The following CCDC148 variants were observed in gnomAD, a reference collection of about 807,000 sequenced individuals.
CCDC148 encodes the protein coiled-coil domain-containing protein 148.
CCDC148 carries 89 observed loss-of-function variants against 85.7 expected under a neutral mutation model. That is an observed-to-expected ratio of 1.04 (90% CI 0.87 to 1.24). The LOEUF (loss-of-function observed/expected upper bound fraction) is 1.24. Ranked by LOEUF, CCDC148 falls within the 50% of genes most tolerant of loss-of-function variation. The pLI, the probability that CCDC148 is intolerant of heterozygous loss-of-function variation, is 0.00. For synonymous variants in CCDC148, 230 were observed against 213.9 expected, an observed-to-expected ratio of 1.08 and a Z score of -0.66; for missense variants, 692 against 671.7, an observed-to-expected ratio of 1.03 and a Z score of -0.33.
chr2:158,271,815 T>C (rs978749902), intron 9 of CCDC148, among the ~76,000 whole-genome samples: 1 of 152,180 alleles, frequency 6.6e-6, no homozygotes, highest in Non-Finnish European at 1.5e-5. Flanking sequence ...GGAAATCAGA[T>C]ATGTGACTAC....
chr2:158,281,268 A>T (rs915024633), intron 9 of CCDC148, among the ~76,000 whole-genome samples: 2 of 152,144 alleles, frequency 1.3e-5, no homozygotes, highest in Admixed American at 1.3e-4. Flanking sequence ...GGCAAGAAAT[A>T]ACGAAAATCA....
intron 11 of CCDC148, among the ~76,000 whole-genome samples, chr2:158,207,985 A>ACT (rs1686341968): frequency 6.7e-6 from 1 of 149,694 alleles, no homozygotes; most frequent in Non-Finnish European, 1.5e-5. Context: ...ACACACACAC[A>ACT]CTTTCTGTTC....
intron 9 of CCDC148, among the ~76,000 whole-genome samples, chr2:158,279,390 T>A (rs1410965947): frequency 1.3e-5 from 2 of 152,064 alleles, no homozygotes; most frequent in African/African-American, 2.4e-5. Flanking sequence ...AAAATTTAGA[T>A]GAATGTATAA....
intron 11 of CCDC148, among the ~76,000 whole-genome samples, chr2:158,194,521 G>T (rs543289310): frequency 8.0e-4 from 122 of 152,228 alleles, no homozygotes; most frequent in African/African-American, 2.9e-3. Context: ...TGGAATCAAG[G>T]ATGCCTATTT....
chr2:158,322,913 T>A (rs916910643), intron 7 of CCDC148, among the ~76,000 whole-genome samples: 2 of 152,164 alleles, frequency 1.3e-5, no homozygotes, highest in African/African-American at 4.8e-5. Flanking sequence ...CTTGCCATCA[T>A]TCTTTAGCTT....
Position 158,456,613 on chromosome 2 carries a change from C to T in CCDC148, c.-174G>A. 1 of 781,648 alleles carries T rather than the reference C, an allele frequency of 1.3e-6. No individual in the cohort carries two copies. The highest frequency in any genetic ancestry group is 1.9e-5 in the South Asian group (1 of 53,218). The allele number at this position is 781,648 out of a possible 1,614,324, so 48.4% of individuals were successfully genotyped here. A position where few individuals can be genotyped will look rare whatever the true frequency, so the allele number is the denominator to read the frequency against. On this transcript the variant is annotated 5_prime_UTR_variant, in exon 1 of 14. Transcript: ENST00000283233. The stretch of plus-strand genomic sequence containing the variant: ...GGGATTGGCAGTAAGGCAAGGAAAG[C>T]CTGCCCCAGATTTCAGAGCCAGCGC...
rs149177795 is a variant in CCDC148 at position 158,328,300 on chromosome 2, G to A, written c.764+10426C>T. Reference sequence around the variant, plus strand: ...GTCCTTGCAATAGTTTGCTGAGAATGATGCTTTCCAGCTTCATACATGTCC... The same window carrying A: ...GTCCTTGCAATAGTTTGCTGAGAATAATGCTTTCCAGCTTCATACATGTCC... On this transcript the variant is annotated intron_variant, in intron 7 of 13. Coordinates refer to ENST00000283233, the MANE Select transcript of CCDC148 (RefSeq NM_138803.4). Among the ~76,000 whole-genome samples, 1,094 of 152,208 alleles carry A rather than the reference G, an allele frequency of 7.2e-3. 9 individuals carry two copies. The highest frequency in any genetic ancestry group is 0.012 in the Non-Finnish European group (809 of 68,024).
chr2:158,232,598 G>A lies in CCDC148; in HGVS notation c.1252-11885C>T, dbSNP rs191236492. On this transcript the variant is annotated intron_variant, in intron 10 of 13. Transcript: ENST00000283233. ...GCAAATAGTTTGTCTCTTATTTCAC[G>A]CTTGTGTGATGTTGAATCTTTGAAC... Among the ~76,000 whole-genome samples the A allele has an allele frequency of 4.7e-4, 71 of 152,208 alleles. 1 individual carries two copies. Among genetic ancestry groups the A allele is most frequent in the Non-Finnish European group, 9.4e-4 (64 of 67,986 alleles).
At chr2:158,406,628 T>TTTTTTTGTTTTTGTTTTTG (rs1318613101) in intron 1 of CCDC148, among the ~76,000 whole-genome samples, 13 of 119,056 alleles carry the variant, frequency 1.1e-4, no homozygotes, top group African/African-American at 2.4e-4. Flanking sequence ...TTTTTTTTTT[T>TTTTTTTGTTTTTGTTTTTG]TTTTTTTTTT....
At chr2:158,263,617 C>A (rs755463489) in intron 9 of CCDC148, among the ~76,000 whole-genome samples, 1 of 151,946 alleles carries the variant, frequency 6.6e-6, no homozygotes, top group African/African-American at 2.4e-5. Context: ...TTCTGCTGAG[C>A]CTTAAGTTTA....
chr2:158,265,322 C>T (rs905852064), intron 9 of CCDC148, among the ~76,000 whole-genome samples: 1 of 152,056 alleles, frequency 6.6e-6, no homozygotes, highest in Non-Finnish European at 1.5e-5. Context: ...AACCAATAAT[C>T]CTATACATCA....
rs1574676530 is a variant in CCDC148, at chr2:158,353,626, T to C, written c.147+4823A>G. On this transcript the variant is annotated intron_variant, in intron 2 of 13. Transcript: ENST00000283233. ...GACTTAGACTCCCACACATTAATAA[T>C]GGGAGACTTTAACACCCCACTGTCA... 2.6e-5 allele frequency among the ~76,000 whole-genome samples: 4 copies of C among 152,140 alleles called. No individual in the cohort carries two copies. In the South Asian group the frequency reaches 8.3e-4, roughly 32 times the overall value.
chr2:158,422,036 C>A (rs1275398503), intron 1 of CCDC148, among the ~76,000 whole-genome samples: 1 of 151,998 alleles, frequency 6.6e-6, no homozygotes, highest in Non-Finnish European at 1.5e-5. Context: ...AAGACTAAAC[C>A]AGGGAGAAGT....
intron 9 of CCDC148, among the ~76,000 whole-genome samples, chr2:158,265,702 A>G (rs1197231319): frequency 1.3e-5 from 2 of 152,092 alleles, no homozygotes; most frequent in Admixed American, 6.6e-5. Context: ...CCTCAGTACC[A>G]CAAATGTGCT....
At chr2:158,427,767 G>C (rs1247046970) in intron 1 of CCDC148, among the ~76,000 whole-genome samples, 1 of 152,114 alleles carries the variant, frequency 6.6e-6, no homozygotes, top group Non-Finnish European at 1.5e-5. Flanking sequence ...CTACCTGGGA[G>C]GCCTTAGGTA....
In CCDC148 at chr2:158,172,005, A is replaced by AT; in HGVS notation, c.*107dup. 1.1e-6 allele frequency: 1 copy of AT among 873,490 alleles called. No individual in the cohort carries two copies. The highest frequency in any genetic ancestry group is 1.7e-6 in the Non-Finnish European group (1 of 589,438). 54.1% of individuals were successfully genotyped at this position (873,490 alleles called of 1,614,324 possible). On this transcript the variant is annotated 3_prime_UTR_variant, in exon 14 of 14. Transcript: ENST00000283233. Reference sequence around the variant, plus strand: ...CAAAGTTGTTTTAATAGATGCTATGATTTCTATGTCTGATATTTCAAACAT... The same window carrying AT: ...CAAAGTTGTTTTAATAGATGCTATGATTTTCTATGTCTGATATTTCAAACAT...
intron 1 of CCDC148, among the ~76,000 whole-genome samples, chr2:158,446,539 T>A (rs1374618092): frequency 1.3e-5 from 2 of 152,164 alleles, no homozygotes; most frequent in East Asian, 3.8e-4. Flanking sequence ...TTAGAAAATG[T>A]TTTCAAATTT....
intron 10 of CCDC148, among the ~76,000 whole-genome samples, chr2:158,231,119 C>T (rs970389254): frequency 1.3e-5 from 2 of 152,158 alleles, no homozygotes; most frequent in South Asian, 2.1e-4. Context: ...GTGCTGGAGA[C>T]CTAAATTAAG....
chr2:158,281,021 T>C (rs138871546), intron 9 of CCDC148, among the ~76,000 whole-genome samples: 3,320 of 152,256 alleles, frequency 0.022, 57 homozygotes, highest in South Asian at 0.052. Flanking sequence ...CTGCTCCTGA[T>C]TGATTACTGG....
Sources: allele counts gnomAD v4.1 joint callset (sites outside exome capture counted in the v4.1 genomes callset), GRCh38; gene constraint gnomAD v4.1.1; transcripts MANE v1.5; gene names NCBI Gene and HGNC (gene_info 2026-07-23, HGNC 2026-07-21).